ZMYND11: variants seen among roughly 807,000 people sequenced by gnomAD.
ZMYND11 encodes the protein zinc finger MYND-type containing 11, also known as zinc finger MYND domain-containing protein 11.
A neutral mutation model predicts 84.9 loss-of-function variants in ZMYND11; 9 were observed. The observed-to-expected ratio is 0.11, with a 90% CI of 0.06 to 0.18. ZMYND11 has a LOEUF of 0.18. Ranked by LOEUF, ZMYND11 falls within the 10% of genes least tolerant of loss-of-function variation. ZMYND11 has a pLI of 1.00. For missense variants in ZMYND11, 409 were observed against 761.0 expected (o/e 0.54, Z 5.44); for synonymous variants, 250 against 244.1 (o/e 1.02, Z -0.23).
intron 3 of ZMYND11, among the ~76,000 whole-genome samples, chr10:213,470 G>A (rs1274422826): frequency 6.6e-6 from 1 of 152,208 alleles, no homozygotes; most frequent in Admixed American, 6.5e-5. Flanking sequence ...AACATGACAA[G>A]TAGATGTATA....
chr10:241,275 T>A (rs992705290), intron 9 of ZMYND11, among the ~76,000 whole-genome samples: 1 of 152,162 alleles, frequency 6.6e-6, no homozygotes, highest in Non-Finnish European at 1.5e-5. Context: ...TCCTCCAGGC[T>A]CAAGTGATTC....
At chr10:233,718 G>C (rs1421950210) in intron 4 of ZMYND11, among the ~76,000 whole-genome samples, 1 of 152,152 alleles carries the variant, frequency 6.6e-6, no homozygotes, top group Non-Finnish European at 1.5e-5. Context: ...GAAGGAGACA[G>C]ATGCTCTAGC....
intron 1 of ZMYND11, among the ~76,000 whole-genome samples, chr10:159,520 A>T (rs1438697838): frequency 6.6e-6 from 1 of 152,206 alleles, no homozygotes; most frequent in Non-Finnish European, 1.5e-5. Context: ...TAATAAATTT[A>T]TAGGCCTTTT....
chr10:176,564 A>G (rs1846671217), intron 1 of ZMYND11, among the ~76,000 whole-genome samples: 1 of 152,200 alleles, frequency 6.6e-6, no homozygotes, highest in African/African-American at 2.4e-5. Flanking sequence ...CTTGAAAAAC[A>G]TGAGTTATAA....
intron 2 of ZMYND11, among the ~76,000 whole-genome samples, chr10:187,036 T>C (rs1278505418): frequency 6.6e-6 from 1 of 152,050 alleles, no homozygotes; most frequent in Non-Finnish European, 1.5e-5. Context: ...GAGAACAGCC[T>C]GAGCAACATA....
At chr10:250,635 T>A (rs898080753) in intron 14 of ZMYND11, among the ~76,000 whole-genome samples, 1 of 152,234 alleles carries the variant, frequency 6.6e-6, no homozygotes, top group Non-Finnish European at 1.5e-5. Flanking sequence ...TTTGTACTCT[T>A]CTTTAAGATG....
At chr10:225,171 A>C (rs1406278430) in intron 4 of ZMYND11, among the ~76,000 whole-genome samples, 1 of 152,206 alleles carries the variant, frequency 6.6e-6, no homozygotes, top group Non-Finnish European at 1.5e-5. Flanking sequence ...TGGTAGGATA[A>C]GTTTATTAAC....
intron 4 of ZMYND11, among the ~76,000 whole-genome samples, chr10:223,045 T>C (rs1293118243): frequency 1.5e-5 from 2 of 132,532 alleles, no homozygotes; most frequent in Non-Finnish European, 3.3e-5. Flanking sequence ...TTTTTTTTTT[T>C]CTGAGACTGA....
intron 2 of ZMYND11, among the ~76,000 whole-genome samples, chr10:195,854 A>G (rs1941603073): frequency 6.6e-6 from 1 of 152,236 alleles, no homozygotes. Context: ...CACATATTTT[A>G]AAATAATTTC....
At chr10:198,209 C>G (rs1455058666) in intron 2 of ZMYND11, among the ~76,000 whole-genome samples, 5 of 151,976 alleles carry the variant, frequency 3.3e-5, no homozygotes, top group Non-Finnish European at 5.9e-5. Context: ...TTATTTTCCC[C>G]CAAATGAAAA....
chr10:247,964 G>C (rs1357949084), intron 12 of ZMYND11, among the ~76,000 whole-genome samples: 10 of 152,264 alleles, frequency 6.6e-5, no homozygotes, highest in South Asian at 2.1e-4. Flanking sequence ...GAGGAAATGT[G>C]TTAATGAATC....
chr10:135,688 C>T lies in ZMYND11; in HGVS notation c.-20+129C>T. On this transcript the variant is annotated intron_variant, in intron 1 of 14. Transcript: ENST00000381604. This position sits in a 1 kb window ranked among gnomAD's most constrained non-coding sequence, Gnocchi z 5.6. Reference sequence around the variant, plus strand: ...GGCGGCACCAGTGGGTGCTGACGGTCGCTCGCCCGCTCGCGAAGAGCTCCG... The same window carrying T: ...GGCGGCACCAGTGGGTGCTGACGGTTGCTCGCCCGCTCGCGAAGAGCTCCG... 6.7e-6 allele frequency: 1 copy of T among 148,806 alleles called. No homozygotes were observed. Among genetic ancestry groups the T allele is most frequent in the South Asian group, 1.8e-4 (1 of 5,558 alleles). The allele number at this position is 148,806 out of a possible 1,614,324, so 9.2% of individuals were successfully genotyped here. A position where few individuals can be genotyped will look rare whatever the true frequency, so the allele number is the denominator to read the frequency against.
chr10:201,585 TAC>T lies in ZMYND11; in HGVS notation c.117-8284_117-8283del, dbSNP rs56058145. On this transcript the variant is annotated intron_variant, in intron 2 of 14. Transcript: ENST00000381604. ...ATAATCAGTGGCTGTTACCATGAAA[TAC>T]ACACACACACACACACACATTATAT... Among the ~76,000 whole-genome samples the T allele has an allele frequency of 2.6e-3, 373 of 146,162 alleles. 1 individual carries two copies. Among genetic ancestry groups the T allele is most frequent in the African/African-American group, 8.1e-3 (320 of 39,296 alleles).
In ZMYND11 at chr10:138,409, A is replaced by T. The variant is rs908617622; in HGVS notation, c.-20+2850A>T. ...TGAGATTACAGATGTGAGCCACCGC[A>T]CCCGGCCCTGTTGGCGTTTTGAATG... On this transcript the variant is annotated intron_variant, in intron 1 of 14. Coordinates refer to ENST00000381604, the MANE Select transcript of ZMYND11 (RefSeq NM_001370100.5). Among the ~76,000 whole-genome samples the T allele has an allele frequency of 3.3e-5, 5 of 152,020 alleles. No homozygotes were observed. The East Asian group carries it at 5.8e-4, about 18-fold the overall frequency.
intron 10 of ZMYND11, 150 bp from the exon 11 acceptor site, chr10:246,616 C>T: frequency 1.5e-6 from 1 of 684,026 alleles, no homozygotes; most frequent in Non-Finnish European, 2.5e-6. Flanking sequence ...AAAGTAACGG[C>T]AGAACCCACA....
intron 4 of ZMYND11, among the ~76,000 whole-genome samples, chr10:228,018 G>A (rs1948419289): frequency 1.3e-5 from 2 of 152,110 alleles, no homozygotes; most frequent in South Asian, 4.1e-4. Context: ...AAAGGAGAAA[G>A]TTAATTTTAG....
At chr10:139,037 C>T (rs782100910) in intron 1 of ZMYND11, among the ~76,000 whole-genome samples, 11 of 151,908 alleles carry the variant, frequency 7.2e-5, no homozygotes, top group Non-Finnish European at 1.2e-4. Context: ...AACTCCTGGC[C>T]TCAAATGATC....
At chr10:240,792 C>T in intron 8 of ZMYND11, 101 bp from the exon 9 acceptor site, 2 of 904,626 alleles carry the variant, frequency 2.2e-6, no homozygotes, top group Non-Finnish European at 3.3e-6. Flanking sequence ...AAATTCAACA[C>T]TATTTATATA....
At chr10:136,530 C>G (rs941056756) in intron 1 of ZMYND11, among the ~76,000 whole-genome samples, 1 of 152,096 alleles carries the variant, frequency 6.6e-6, no homozygotes, top group African/African-American at 2.4e-5. Flanking sequence ...CATGTATCTT[C>G]CTCGCTTAGG....
Sources: allele counts gnomAD v4.1 joint callset (sites outside exome capture counted in the v4.1 genomes callset), GRCh38; gene constraint gnomAD v4.1.1; non-coding constraint Gnocchi (gnomAD v3.1); transcripts MANE v1.5; gene names NCBI Gene and HGNC (gene_info 2026-07-23, HGNC 2026-07-21).